The following RBMS3 variants were observed in gnomAD, a reference collection of about 807,000 sequenced individuals.
RBMS3 encodes the protein RNA-binding motif, single-stranded-interacting protein 3.
Under a neutral mutation model 66.8 loss-of-function variants are expected in RBMS3, and 27 were observed. The observed-to-expected ratio is 0.40, with a 90% CI of 0.30 to 0.56. RBMS3 has a LOEUF of 0.56. Ranked by LOEUF, RBMS3 falls within the 20% of genes least tolerant of loss-of-function variation. The pLI, the probability that RBMS3 is intolerant of heterozygous loss-of-function variation, is 0.40. For synonymous variants in RBMS3, 188 were observed against 183.0 expected (o/e 1.03, Z -0.22); for missense variants, 513 against 549.5 (o/e 0.93, Z 0.66).
chr3:29,423,704 T>C (rs758489168), intron 1 of RBMS3, among the ~76,000 whole-genome samples: 3 of 152,218 alleles, frequency 2.0e-5, no homozygotes, highest in Non-Finnish European at 4.4e-5. Context: ...CCCACGTATG[T>C]TTTTCAGCAT....
At chr3:29,503,152 A>C (rs1349514007) in intron 3 of RBMS3, among the ~76,000 whole-genome samples, 1 of 152,164 alleles carries the variant, frequency 6.6e-6, no homozygotes, top group African/African-American at 2.4e-5. Context: ...GGTATGATAA[A>C]GTTTAATCCA....
At chr3:29,443,019 T>G (rs7632290) in intron 2 of RBMS3, among the ~76,000 whole-genome samples, 135,102 of 152,128 alleles carry the variant, frequency 0.89, 60,073 homozygotes, top group Non-Finnish European at 0.9. Flanking sequence ...TTGTCCACCA[T>G]CAACTATTTG....
At chr3:29,578,790 C>CTTTTTTTTTTTTTTTTTTTTTTTTTTTT (rs1185861167) in intron 3 of RBMS3, among the ~76,000 whole-genome samples, 2 of 101,062 alleles carry the variant, frequency 2.0e-5, no homozygotes, top group African/African-American at 9.1e-5. Context: ...ATACATGCTT[C>CTTTTTTTTTTTTTTTTTTTTTTTTTTTT]TTTTTTTTTT....
intron 1 of RBMS3, among the ~76,000 whole-genome samples, chr3:29,285,231 G>A (rs1277276374): frequency 7.1e-6 from 1 of 140,648 alleles, no homozygotes; most frequent in African/African-American, 2.6e-5. Flanking sequence ...TACTTGCCGG[G>A]GTGGGGTGGG....
At chr3:29,465,145 T>C (rs2042494571) in intron 2 of RBMS3, among the ~76,000 whole-genome samples, 1 of 152,214 alleles carries the variant, frequency 6.6e-6, no homozygotes, top group African/African-American at 2.4e-5. Context: ...ACGATGATGA[T>C]AACACAAGGG....
chr3:29,368,070 C>T (rs1327378629), intron 1 of RBMS3, among the ~76,000 whole-genome samples: 2 of 152,158 alleles, frequency 1.3e-5, no homozygotes, highest in African/African-American at 2.4e-5. Context: ...TCACATCCTG[C>T]ATTAGTAGTC....
intron 4 of RBMS3, among the ~76,000 whole-genome samples, chr3:29,694,777 T>A (rs1391193988): frequency 1.3e-5 from 2 of 152,016 alleles, no homozygotes; most frequent in Admixed American, 1.3e-4. Flanking sequence ...ATAAAAAAAA[T>A]TAAAAACTGT....
intron 1 of RBMS3, among the ~76,000 whole-genome samples, chr3:29,380,009 A>T (rs1313840951): frequency 6.6e-6 from 1 of 152,206 alleles, no homozygotes; most frequent in Non-Finnish European, 1.5e-5. Flanking sequence ...TTTGCTTTGC[A>T]GAAACCTAGA....
chr3:29,799,956 C>G (rs1420960358), intron 6 of RBMS3, among the ~76,000 whole-genome samples: 1 of 152,160 alleles, frequency 6.6e-6, no homozygotes, highest in Non-Finnish European at 1.5e-5. Context: ...CTTTGTTCAT[C>G]ATGGACAACT....
At chr3:29,591,988 A>C (rs1039856494) in intron 4 of RBMS3, among the ~76,000 whole-genome samples, 1 of 152,112 alleles carries the variant, frequency 6.6e-6, no homozygotes, top group African/African-American at 2.4e-5. Context: ...CTTGAAAGGC[A>C]TAATGTAAAA....
chr3:29,809,190 A>G (rs2057650856), intron 6 of RBMS3, among the ~76,000 whole-genome samples: 1 of 151,908 alleles, frequency 6.6e-6, no homozygotes, highest in Non-Finnish European at 1.5e-5. Context: ...TAAGAAATTA[A>G]TAATTTATCT....
intron 1 of RBMS3, among the ~76,000 whole-genome samples, chr3:29,285,814 G>T (rs887191358): frequency 6.6e-6 from 1 of 152,118 alleles, no homozygotes; most frequent in South Asian, 2.1e-4. Flanking sequence ...ACACAAGTAG[G>T]TGAAGGAAGA....
intron 1 of RBMS3, among the ~76,000 whole-genome samples, chr3:29,346,941 CAT>C (rs573180470): frequency 2.2e-4 from 33 of 152,222 alleles, no homozygotes; most frequent in Admixed American, 2.2e-3. Flanking sequence ...GGCTATTGAC[CAT>C]ATGTTTCTAA....
At chr3:29,346,496 C>T (rs1011327053) in intron 1 of RBMS3, among the ~76,000 whole-genome samples, 42 of 150,454 alleles carry the variant, frequency 2.8e-4, no homozygotes, top group South Asian at 6.4e-4. Context: ...CTCCGCCTCC[C>T]GGGTTCAAGT....
At chr3:29,671,440 T>A (rs146359521) in intron 4 of RBMS3, among the ~76,000 whole-genome samples, 7 of 152,124 alleles carry the variant, frequency 4.6e-5, no homozygotes, top group African/African-American at 1.7e-4. Context: ...CTTTGACAAG[T>A]TGACAAAAGT....
chr3:29,923,676 G>C (rs1171461007), intron 10 of RBMS3, among the ~76,000 whole-genome samples: 1 of 151,894 alleles, frequency 6.6e-6, no homozygotes, highest in East Asian at 1.9e-4. Flanking sequence ...TAATACATCA[G>C]TATAATTTTA....
At chr3:29,732,763 A>G (rs946873983) in intron 4 of RBMS3, among the ~76,000 whole-genome samples, 3 of 152,166 alleles carry the variant, frequency 2.0e-5, no homozygotes, top group Non-Finnish European at 4.4e-5. Context: ...AAATTGCTGC[A>G]GCATATAAAA....
intron 14 of RBMS3, 170 bp downstream of exon 14, chr3:29,991,379 G>A (rs1559870637): frequency 9.4e-7 from 1 of 1,062,218 alleles, no homozygotes; most frequent in Non-Finnish European, 1.3e-6. Context: ...AACTTTGGGT[G>A]GATGGTTCTT....
At position 29,380,453 on chromosome 3, in the gene RBMS3, A is replaced by T. The variant is rs952294381; in HGVS notation, c.76-54290A>T. Among the ~76,000 whole-genome samples the T allele has an allele frequency of 4.6e-5, 7 of 152,198 alleles. No homozygotes were observed. In the East Asian group the frequency reaches 1.3e-3, roughly 29 times the overall value. On this transcript the variant is annotated intron_variant, in intron 1 of 14. Coordinates refer to ENST00000383767, the MANE Select transcript of RBMS3 (RefSeq NM_001003793.3). ...AGTTAAAGTGGCATAATTGTAAAAAATCTAAAATGTAATGCTTATAATGTG... is the reference window on the plus strand; with the variant it reads ...AGTTAAAGTGGCATAATTGTAAAAATTCTAAAATGTAATGCTTATAATGTG...
Sources: allele counts gnomAD v4.1 joint callset (sites outside exome capture counted in the v4.1 genomes callset), GRCh38; gene constraint gnomAD v4.1.1; transcripts MANE v1.5; gene names NCBI Gene and HGNC (gene_info 2026-07-23, HGNC 2026-07-21).